Variants in ERBB4 observed in about 807,000 individuals in gnomAD.
The protein encoded by ERBB4 is erb-b2 receptor tyrosine kinase 4.
A neutral mutation model predicts 158.0 loss-of-function variants in ERBB4; 42 were observed. That is an observed-to-expected ratio of 0.27 (90% confidence interval 0.21 to 0.34). The LOEUF is 0.34. Among genes scored for constraint, ERBB4 ranks in the 10% least tolerant of loss-of-function variants. The probability of loss-of-function intolerance (pLI) is 1.00; values close to 1 mark genes in which losing one functional copy is unlikely to be tolerated. For synonymous variants in ERBB4, 583 were observed against 558.7 expected, an observed-to-expected ratio of 1.04 and a Z score of -0.61; for missense variants, 1,333 against 1,624.1, an observed-to-expected ratio of 0.82 and a Z score of 3.08.
At chr2:211,547,067 T>G (rs2066959423) in intron 20 of ERBB4, among the ~76,000 whole-genome samples, 1 of 152,068 alleles carries the variant, frequency 6.6e-6, no homozygotes, top group Admixed American at 6.6e-5. Context: ...CACACAAATT[T>G]GTGTAAAACC....
chr2:211,650,697 T>C (rs1013873273), intron 16 of ERBB4, among the ~76,000 whole-genome samples: 1 of 152,102 alleles, frequency 6.6e-6, no homozygotes, highest in African/African-American at 2.4e-5. Context: ...GTCCAATAGA[T>C]CTATAATACA....
At chr2:211,701,731 G>C in intron 12 of ERBB4, among the ~76,000 whole-genome samples, 1 of 139,588 alleles carries the variant, frequency 7.2e-6, no homozygotes, top group Non-Finnish European at 1.5e-5. Flanking sequence ...ACTCTAGCCT[G>C]GGGCAACAGA....
chr2:211,975,678 A>G (rs2081586410), intron 2 of ERBB4, among the ~76,000 whole-genome samples: 1 of 152,164 alleles, frequency 6.6e-6, no homozygotes, highest in African/African-American at 2.4e-5. Flanking sequence ...AGAATGTCTT[A>G]CCTGAGAATT....
chr2:211,776,783 GTATGT>G (rs1483751926), intron 4 of ERBB4, among the ~76,000 whole-genome samples: 1 of 152,136 alleles, frequency 6.6e-6, no homozygotes, highest in Admixed American at 6.6e-5. Context: ...TGATTTAGGG[GTATGT>G]TATATTGGGG....
intron 1 of ERBB4, among the ~76,000 whole-genome samples, chr2:212,522,380 G>A (rs1247245674): frequency 6.6e-6 from 1 of 151,922 alleles, no homozygotes; most frequent in African/African-American, 2.4e-5. Flanking sequence ...AATGTGTGAT[G>A]TACAGAAGTT....
chr2:211,421,138 A>G (rs2063506198), intron 24 of ERBB4, among the ~76,000 whole-genome samples: 1 of 151,798 alleles, frequency 6.6e-6, no homozygotes, highest in East Asian at 1.9e-4. Context: ...AGACACCAAA[A>G]CCTTTGTTAT....
intron 3 of ERBB4, among the ~76,000 whole-genome samples, chr2:211,870,820 C>A (rs1360546331): frequency 1.3e-5 from 2 of 152,074 alleles, no homozygotes; most frequent in Non-Finnish European, 2.9e-5. Context: ...CATCTGTGGA[C>A]TTGTGAAATA....
At chr2:211,611,564 G>C (rs930982656) in intron 19 of ERBB4, among the ~76,000 whole-genome samples, 3 of 151,896 alleles carry the variant, frequency 2.0e-5, no homozygotes, top group African/African-American at 7.3e-5. Flanking sequence ...CGAACCCTTC[G>C]ATGAAGAAAA....
intron 10 of ERBB4, among the ~76,000 whole-genome samples, 175 bp from the exon 11 acceptor site, chr2:211,704,369 C>T (rs1040628740): frequency 4.6e-5 from 7 of 152,016 alleles, no homozygotes; most frequent in Non-Finnish European, 1.0e-4. Context: ...ATTGAGTGTC[C>T]TACCCAATAA....
At chr2:211,576,406 C>T (rs911554552) in intron 19 of ERBB4, among the ~76,000 whole-genome samples, 28 of 152,270 alleles carry the variant, frequency 1.8e-4, no homozygotes, top group Non-Finnish European at 3.7e-4. Flanking sequence ...GGCATGGTAT[C>T]TTGGGTTTCC....
chr2:211,564,943 T>C (rs568811977), intron 19 of ERBB4, among the ~76,000 whole-genome samples: 28 of 152,246 alleles, frequency 1.8e-4, no homozygotes, highest in African/African-American at 6.7e-4. Flanking sequence ...AAATTAGTGA[T>C]AGATACATAG....
At chr2:211,498,087 C>T (rs2065519122) in intron 20 of ERBB4, among the ~76,000 whole-genome samples, 1 of 152,010 alleles carries the variant, frequency 6.6e-6, no homozygotes, top group Non-Finnish European at 1.5e-5. Flanking sequence ...TGTGGAGCAC[C>T]ACATGAAACC....
At chr2:212,449,275 T>A (rs1435557749) in intron 1 of ERBB4, among the ~76,000 whole-genome samples, 1 of 152,172 alleles carries the variant, frequency 6.6e-6, no homozygotes, top group African/African-American at 2.4e-5. Flanking sequence ...ATTAATCAAC[T>A]AAAATACATC....
chr2:212,036,469 CTT>C (rs34570443), intron 2 of ERBB4, among the ~76,000 whole-genome samples: 12 of 142,972 alleles, frequency 8.4e-5, no homozygotes, highest in Admixed American at 1.4e-4. Flanking sequence ...TAAATACATT[CTT>C]TTTTTTTTTT....
At chr2:211,625,620 A>G (rs944138233) in intron 17 of ERBB4, among the ~76,000 whole-genome samples, 3 of 152,236 alleles carry the variant, frequency 2.0e-5, no homozygotes, top group African/African-American at 7.2e-5. Context: ...CTCAGAAAGA[A>G]TCACTAAATT....
intron 25 of ERBB4, among the ~76,000 whole-genome samples, chr2:211,400,705 A>G (rs1273608796): frequency 6.6e-6 from 1 of 152,048 alleles, no homozygotes; most frequent in Non-Finnish European, 1.5e-5. Flanking sequence ...AATAAGATCT[A>G]GTATTTGATA....
intron 20 of ERBB4, among the ~76,000 whole-genome samples, chr2:211,448,678 A>G (rs937947898): frequency 1.3e-5 from 2 of 152,172 alleles, no homozygotes; most frequent in African/African-American, 4.8e-5. Flanking sequence ...CTACAAATGC[A>G]TTACAACCCC....
intron 20 of ERBB4, among the ~76,000 whole-genome samples, chr2:211,448,854 G>A (rs759123346): frequency 3.3e-5 from 5 of 152,062 alleles, no homozygotes; most frequent in Admixed American, 6.6e-5. Context: ...ATGCAGTATT[G>A]TAAGAGATTT....
At chr2:211,561,518 C>T (rs1382728880) in intron 20 of ERBB4, among the ~76,000 whole-genome samples, 1 of 152,200 alleles carries the variant, frequency 6.6e-6, no homozygotes, top group African/African-American at 2.4e-5. Flanking sequence ...AACATAAAGG[C>T]TATTTTTAAA....
Sources: gnomAD v4.1 joint callset for allele counts (sites outside exome capture counted in the v4.1 genomes callset) on GRCh38, gnomAD v4.1.1 for gene constraint, MANE v1.5 for transcripts, NCBI Gene and HGNC (gene_info 2026-07-23, HGNC 2026-07-21) for gene names.